The following IMMT variants were observed in gnomAD, a reference collection of about 807,000 sequenced individuals.
IMMT encodes MICOS complex subunit MIC60.
In IMMT, 40 loss-of-function variants were observed where a neutral mutation model predicts 92.7. The observed-to-expected ratio is 0.43, with a 90% CI of 0.34 to 0.56. IMMT has a LOEUF of 0.56. Among genes scored for constraint, IMMT ranks in the 20% least tolerant of loss-of-function variants. IMMT has a pLI of 0.03. For synonymous variants in IMMT, 322 were observed against 336.1 expected, an observed-to-expected ratio of 0.96 and a Z score of 0.46; for missense variants, 831 against 912.1, an observed-to-expected ratio of 0.91 and a Z score of 1.14.
chr2:86,166,618 G>A lies in IMMT; in HGVS notation c.682C>T (p.Leu228=). 1 of 1,612,358 alleles carries A rather than the reference G, an allele frequency of 6.2e-7. No individual in the cohort carries two copies. Among genetic ancestry groups the A allele is most frequent in the Non-Finnish European group, 8.5e-7 (1 of 1,179,378 alleles). ...AGAGTGACACTTGCAGTTTGCCTCAGAGCATCTTCTAAGCTCTTGGCTAGA... is the reference window on the plus strand; with the variant it reads ...AGAGTGACACTTGCAGTTTGCCTCAAAGCATCTTCTAAGCTCTTGGCTAGA... ...ESLAKSLEDA[L]RQTASVTLQA... is the part of the protein sequence containing the mutation. The change falls in exon 7 of 15, where the codon CTG becomes TTG. Residue 228 remains leucine, a synonymous_variant. Transcript: ENST00000410111.
chr2:86,189,419 G>C (rs994690361), intron 1 of IMMT, among the ~76,000 whole-genome samples: 8 of 152,162 alleles, frequency 5.3e-5, no homozygotes, highest in Non-Finnish European at 8.8e-5. Context: ...ATTTTTAGTA[G>C]AGACGGGGTT....
chr2:86,191,117 G>T (rs1392857983), intron 1 of IMMT, among the ~76,000 whole-genome samples: 5 of 152,032 alleles, frequency 3.3e-5, no homozygotes, highest in Admixed American at 2.0e-4. Context: ...AGGCAAAGGC[G>T]GGTGGATTGC....
Position 86,181,372 on chromosome 2 carries a change from T to C in IMMT, c.46A>G (p.Ser16Gly). 6.2e-7 allele frequency: 1 copy of C among 1,612,356 alleles called. No individual in the cohort carries two copies. The highest frequency in any genetic ancestry group is 2.2e-5 in the East Asian group (1 of 44,862). Reference sequence around the variant, plus strand: ...AGGACAAACTTCCCACAGAGACAACTCTAAAGAAGGAAAACACATCACAAC... The same window carrying C: ...AGGACAAACTTCCCACAGAGACAACCCTAAAGAAGGAAAACACATCACAAC... Reference protein sequence around the residue: ...QLSGVTAAAQSCLCGKFVLRP... With the variant: ...QLSGVTAAAQGCLCGKFVLRP... The change falls in exon 2 of 15, where the codon AGT (serine) becomes GGT (glycine). Residue 16 changes from serine (S) to glycine (G), a missense_variant and splice_region_variant. Transcript: ENST00000410111.
rs572049568 is a variant in IMMT at position 86,192,333 on chromosome 2, T to C, written c.45+3005A>G. Among the ~76,000 whole-genome samples, 10 of 151,754 alleles carry C rather than the reference T, an allele frequency of 6.6e-5. No individual in the cohort carries two copies. In the East Asian group the frequency reaches 1.9e-3, roughly 30 times the overall value. On this transcript the variant is annotated intron_variant, in intron 1 of 14. Coordinates refer to ENST00000410111, the MANE Select transcript of IMMT (RefSeq NM_006839.3). The stretch of plus-strand genomic sequence containing the variant: ...ATGGGATGTTTAAAGGGAGGTCACA[T>C]CCACTTACACAGATTAAGAAAAATT...
chr2:86,191,568 T>C (rs1379283002), intron 1 of IMMT, among the ~76,000 whole-genome samples: 3 of 152,026 alleles, frequency 2.0e-5, no homozygotes, highest in South Asian at 4.1e-4. Flanking sequence ...CAGCAGATTC[T>C]GGACTTGCCA....
intron 4 of IMMT, 148 bp from the exon 5 acceptor site, chr2:86,171,493 A>T (rs1677079287): frequency 1.4e-6 from 1 of 712,168 alleles, no homozygotes; most frequent in Admixed American, 2.1e-5. Context: ...AATAACACAC[A>T]AACAGGGGCA....
intron 10 of IMMT, among the ~76,000 whole-genome samples, chr2:86,156,182 T>C (rs766000134): frequency 1.1e-4 from 16 of 151,996 alleles, no homozygotes; most frequent in Admixed American, 2.0e-4. Context: ...CTCCACCCAC[T>C]ACATGCCAGT....
intron 12 of IMMT, among the ~76,000 whole-genome samples, chr2:86,148,380 A>AG (rs1675195370): frequency 6.6e-6 from 1 of 152,148 alleles, no homozygotes; most frequent in Non-Finnish European, 1.5e-5. Flanking sequence ...AGGCTGAGGC[A>AG]GGTGGCTCAT....
intron 7 of IMMT, among the ~76,000 whole-genome samples, chr2:86,165,584 A>G (rs1676619320): frequency 6.6e-6 from 1 of 152,222 alleles, no homozygotes; most frequent in Non-Finnish European, 1.5e-5. Flanking sequence ...CTGATCCTTA[A>G]GATTAATAAT....
chr2:86,192,708 G>T (rs941203203), intron 1 of IMMT, among the ~76,000 whole-genome samples: 3 of 152,128 alleles, frequency 2.0e-5, no homozygotes, highest in African/African-American at 7.2e-5. Flanking sequence ...AGTGATACAA[G>T]GAAGGCAAGA....
At chr2:86,186,395 CAAT>C (rs771829970) in intron 1 of IMMT, among the ~76,000 whole-genome samples, 27 of 152,176 alleles carry the variant, frequency 1.8e-4, no homozygotes, top group East Asian at 1.9e-4. Context: ...CCTCTCCCAA[CAAT>C]AATAAGTTTT....
chr2:86,171,931 CTCAA>C (rs1468879262), intron 4 of IMMT, among the ~76,000 whole-genome samples: 6 of 149,514 alleles, frequency 4.0e-5, no homozygotes, highest in South Asian at 2.1e-4. Context: ...CTATCAATCA[CTCAA>C]TCAATTTTTT....
intron 5 of IMMT, 98 bp downstream of exon 5, chr2:86,171,110 G>C: frequency 9.3e-7 from 1 of 1,070,112 alleles, no homozygotes; most frequent in South Asian, 1.7e-5. Flanking sequence ...CCTAAACCTA[G>C]TGTAAATGTA....
At chr2:86,172,986 A>C (rs901475348) in intron 4 of IMMT, among the ~76,000 whole-genome samples, 2 of 152,224 alleles carry the variant, frequency 1.3e-5, no homozygotes, top group Admixed American at 6.5e-5. Context: ...ATCAAGAAAT[A>C]TTAGCTGAAA....
intron 4 of IMMT, among the ~76,000 whole-genome samples, chr2:86,172,369 A>T (rs111805973): frequency 0.055 from 8,399 of 151,624 alleles, 801 homozygotes; most frequent in African/African-American, 0.19. Flanking sequence ...TTTGAGACAG[A>T]GTCTTGCCCT....
At chr2:86,169,525 A>G (rs1676942272) in intron 6 of IMMT, among the ~76,000 whole-genome samples, 1 of 152,202 alleles carries the variant, frequency 6.6e-6, no homozygotes, top group East Asian at 1.9e-4. Context: ...AACAAATGAC[A>G]AGGAGATCAA....
intron 2 of IMMT, 117 bp downstream of exon 2, chr2:86,181,182 T>C (rs1307984309): frequency 1.5e-6 from 1 of 679,698 alleles, no homozygotes; most frequent in African/African-American, 1.8e-5. Context: ...AAAGCTTCGG[T>C]GTATGTACCC....
chr2:86,164,249 G>T (rs1029083664), intron 7 of IMMT, among the ~76,000 whole-genome samples: 2 of 151,172 alleles, frequency 1.3e-5, no homozygotes, highest in Non-Finnish European at 2.9e-5. Flanking sequence ...TAGAAACGGG[G>T]TTTCTCCATG....
intron 1 of IMMT, among the ~76,000 whole-genome samples, chr2:86,193,585 G>T (rs151270046): frequency 6.6e-6 from 1 of 152,208 alleles, no homozygotes. Context: ...GACAGGAAGA[G>T]ATGAGAAGGT....
Sources: gnomAD v4.1 joint callset for allele counts (sites outside exome capture counted in the v4.1 genomes callset) on GRCh38, gnomAD v4.1.1 for gene constraint, MANE v1.5 for transcripts, NCBI Gene and HGNC (gene_info 2026-07-23, HGNC 2026-07-21) for gene names.